MACROD2: variants seen among roughly 807,000 people sequenced by gnomAD.
MACROD2 encodes ADP-ribose glycohydrolase MACROD2.
A neutral mutation model predicts 70.4 loss-of-function variants in MACROD2; 36 were observed. The observed-to-expected ratio is 0.51, with a 90% CI of 0.39 to 0.68. The LOEUF (loss-of-function observed/expected upper bound fraction) is 0.68. Among genes scored for constraint, MACROD2 ranks in the 30% least tolerant of loss-of-function variants. The pLI is 0.00. For missense variants in MACROD2, 496 were observed against 538.4 expected, an observed-to-expected ratio of 0.92 and a Z score of 0.78; for synonymous variants, 172 against 178.8, an observed-to-expected ratio of 0.96 and a Z score of 0.30.
intron 6 of MACROD2, among the ~76,000 whole-genome samples, chr20:15,277,134 CT>C (rs1362837662): frequency 6.6e-6 from 1 of 152,196 alleles, no homozygotes; most frequent in Non-Finnish European, 1.5e-5. Context: ...AGATTTGCCC[CT>C]GGCAACCATC....
At position 15,109,558 on chromosome 20, in the gene MACROD2, AT is replaced by A. The variant is rs1388987147; in HGVS notation, c.419-120379del. Among the ~76,000 whole-genome samples the A allele has an allele frequency of 9.2e-5, 14 of 152,270 alleles. No homozygotes were observed. In the East Asian group the frequency reaches 2.5e-3, roughly 27 times the overall value. The stretch of plus-strand genomic sequence containing the variant: ...GATTGCAAACAAAATGGGATATGTC[AT>A]TTGTAGAGGCAGGTACTGTGAAATA... On this transcript the variant is annotated intron_variant, in intron 5 of 17. Transcript: ENST00000684519.
At chr20:14,505,127 G>A (rs1431991021) in intron 4 of MACROD2, among the ~76,000 whole-genome samples, 2 of 152,124 alleles carry the variant, frequency 1.3e-5, no homozygotes, top group Non-Finnish European at 2.9e-5. Context: ...ATAAAATTCA[G>A]TTCTGTTTTT....
chr20:14,405,902 G>A (rs2083686223), intron 3 of MACROD2, among the ~76,000 whole-genome samples: 1 of 152,074 alleles, frequency 6.6e-6, no homozygotes, highest in Non-Finnish European at 1.5e-5. Flanking sequence ...TCATTGACTA[G>A]AGGTCAGAAT....
chr20:14,160,564 G>A (rs888320397), intron 3 of MACROD2, among the ~76,000 whole-genome samples: 4 of 152,012 alleles, frequency 2.6e-5, no homozygotes, highest in African/African-American at 9.7e-5. Flanking sequence ...GGTATCAGTT[G>A]TAATGTCTCC....
At position 14,778,847 on chromosome 20, in the gene MACROD2, A is replaced by G. The variant is rs558904440; in HGVS notation, c.418+93888A>G. On this transcript the variant is annotated intron_variant, in intron 5 of 17. Transcript: ENST00000684519. ...ACTGATAGAGTTGGACAGTACTTTC[A>G]TGATCAAGCATTCCAAACACCTCAT... 2.2e-4 allele frequency among the ~76,000 whole-genome samples: 34 copies of G among 152,250 alleles called. No individual in the cohort carries two copies. The South Asian group carries it at 7.1e-3, about 32-fold the overall frequency.
chr20:14,525,894 A>G (rs1247900591), intron 4 of MACROD2, among the ~76,000 whole-genome samples: 2 of 152,164 alleles, frequency 1.3e-5, no homozygotes, highest in African/African-American at 2.4e-5. Context: ...ATTGCAGCCA[A>G]TAGCTATTGG....
chr20:14,280,040 C>G (rs1233821351), intron 3 of MACROD2, among the ~76,000 whole-genome samples: 1 of 152,062 alleles, frequency 6.6e-6, no homozygotes, highest in African/African-American at 2.4e-5. Flanking sequence ...ACTTATTAAC[C>G]TAGAACATGT....
chr20:15,883,035 A>AAC (rs1293938203), intron 9 of MACROD2, among the ~76,000 whole-genome samples: 2 of 151,798 alleles, frequency 1.3e-5, no homozygotes, highest in African/African-American at 4.8e-5. Flanking sequence ...ATTCTTAAAA[A>AAC]AAAAAACAAA....
At position 15,989,148 on chromosome 20, in the gene MACROD2, T is replaced by C. The variant is rs1428969949; in HGVS notation, c.1153+1990T>C. Among the ~76,000 whole-genome samples the C allele has an allele frequency of 3.9e-5, 6 of 152,182 alleles. No homozygotes were observed. In the East Asian group the frequency reaches 1.2e-3, roughly 29 times the overall value. ...TGACACATAGAATGCACTCCATAAG[T>C]ATTTAGTATTTATCATAATTTGATA... On this transcript the variant is annotated intron_variant, in intron 15 of 17. Coordinates refer to ENST00000684519, the MANE Select transcript of MACROD2 (RefSeq NM_001351661.2).
chr20:14,563,797 G>A (rs1334726856), intron 4 of MACROD2, among the ~76,000 whole-genome samples: 1 of 151,856 alleles, frequency 6.6e-6, no homozygotes, highest in African/African-American at 2.4e-5. Flanking sequence ...GTCAAGCTAT[G>A]CAATCCTATC....
chr20:15,227,661 A>G (rs1007382880), intron 5 of MACROD2, among the ~76,000 whole-genome samples: 3 of 152,164 alleles, frequency 2.0e-5, no homozygotes, highest in Admixed American at 2.0e-4. Context: ...GTGGAAATCT[A>G]GTCCTATAAG....
intron 5 of MACROD2, among the ~76,000 whole-genome samples, chr20:14,770,365 G>A (rs923153038): frequency 6.6e-6 from 1 of 151,808 alleles, no homozygotes. Flanking sequence ...CATTCTGTAG[G>A]GGGACCATTC....
intron 4 of MACROD2, among the ~76,000 whole-genome samples, chr20:14,553,686 C>T (rs555875020): frequency 8.0e-4 from 122 of 152,156 alleles, no homozygotes; most frequent in African/African-American, 2.8e-3. Flanking sequence ...CTTGTATATG[C>T]AGTCCATCAA....
At chr20:15,017,658 G>A (rs185779549) in intron 5 of MACROD2, among the ~76,000 whole-genome samples, 26 of 152,282 alleles carry the variant, frequency 1.7e-4, no homozygotes, top group African/African-American at 5.5e-4. Context: ...CTTCTTCCTG[G>A]GCATCCAGGC....
intron 8 of MACROD2, among the ~76,000 whole-genome samples, chr20:15,771,636 G>T (rs6043533): frequency 0.042 from 6,349 of 152,006 alleles, 437 homozygotes; most frequent in East Asian, 0.33. Flanking sequence ...TGTGTATGTA[G>T]ATGTATGTAT....
At chr20:14,231,725 A>G (rs2081814785) in intron 3 of MACROD2, among the ~76,000 whole-genome samples, 1 of 152,196 alleles carries the variant, frequency 6.6e-6, no homozygotes, top group Admixed American at 6.5e-5. Context: ...ACTGACTTCC[A>G]CAATGGTTGA....
At chr20:14,244,267 A>G (rs2081951800) in intron 3 of MACROD2, among the ~76,000 whole-genome samples, 1 of 152,140 alleles carries the variant, frequency 6.6e-6, no homozygotes, top group Non-Finnish European at 1.5e-5. Flanking sequence ...GGCACCTCTT[A>G]ACCTTTGTGT....
intron 8 of MACROD2, among the ~76,000 whole-genome samples, chr20:15,559,205 C>T (rs1245878277): frequency 2.9e-4 from 33 of 113,652 alleles, no homozygotes; most frequent in Non-Finnish European, 4.0e-4. Context: ...CCAGCCTGGG[C>T]GACAGAGCGA....
chr20:14,283,136 C>A (rs1181106716), intron 3 of MACROD2, among the ~76,000 whole-genome samples: 1 of 152,104 alleles, frequency 6.6e-6, no homozygotes, highest in African/African-American at 2.4e-5. Flanking sequence ...ATGCCATAGG[C>A]ATGTGGGAGC....
Sources: gnomAD v4.1 joint callset for allele counts (sites outside exome capture counted in the v4.1 genomes callset) on GRCh38, gnomAD v4.1.1 for gene constraint, MANE v1.5 for transcripts, NCBI Gene and HGNC (gene_info 2026-07-23, HGNC 2026-07-21) for gene names.